Variants in DOP1B observed in about 807,000 individuals in gnomAD.
The protein encoded by DOP1B is protein DOP1B.
In DOP1B, 174 loss-of-function variants were observed where a neutral mutation model predicts 233.5. The observed-to-expected ratio is 0.75, with a 90% CI of 0.66 to 0.85. DOP1B has a LOEUF of 0.85. DOP1B is among the 40% of genes least tolerant of loss of function. DOP1B has a pLI of 0.00. For missense variants in DOP1B, 2,652 were observed against 2,846.6 expected, an observed-to-expected ratio of 0.93 and a Z score of 1.56; for synonymous variants, 1,190 against 1,185.6, an observed-to-expected ratio of 1.00 and a Z score of -0.08.
chr21:36,184,290 C>G (rs972552139), intron 2 of DOP1B, among the ~76,000 whole-genome samples: 1 of 152,058 alleles, frequency 6.6e-6, no homozygotes, highest in Admixed American at 6.6e-5. Context: ...CTCAGGTGAT[C>G]CACCTGCCTT....
intron 18 of DOP1B, among the ~76,000 whole-genome samples, chr21:36,244,019 C>CTTT (rs35020490): frequency 0.031 from 2,203 of 70,708 alleles, 115 homozygotes; most frequent in Non-Finnish European, 0.038. Context: ...TTTTCCTTTC[C>CTTT]TTTTTTTTTT....
intron 13 of DOP1B, 136 bp downstream of exon 13, chr21:36,228,013 T>C: frequency 1.1e-6 from 1 of 908,642 alleles, no homozygotes; most frequent in South Asian, 2.3e-5. Context: ...CAAATATGCT[T>C]GTAAAACCCT....
rs1202571081 is a variant in DOP1B, at chr21:36,211,608, ATCTGGAAATCGT to A, written c.742_753del (p.Glu248_Leu251del). ...TCAAATGTTCTTGTGCAAAGAAATA[ATCTGGAAATCGT>A]TCTGTTTTTCTTCCCATTTTATACC... On this transcript the variant is annotated inframe_deletion, in exon 6 of 37. Transcript: ENST00000691173. The A allele has an allele frequency of 1.2e-6, 2 of 1,614,084 alleles. No homozygotes were observed. The highest frequency in any genetic ancestry group is 1.7e-5 in the Admixed American group (1 of 59,998).
At chr21:36,167,940 C>CTTTTTTTTTTTTTTTTTTTTTTT (rs869190433) in intron 2 of DOP1B, among the ~76,000 whole-genome samples, 1 of 40,064 alleles carries the variant, frequency 2.5e-5, no homozygotes, top group African/African-American at 7.2e-5. Context: ...TTTTCTTTTT[C>CTTTTTTTTTTTTTTTTTTTTTTT]TTTTTTTTTT....
intron 9 of DOP1B, 36 bp downstream of exon 9, chr21:36,214,592 A>G: frequency 6.4e-7 from 1 of 1,552,148 alleles, no homozygotes; most frequent in African/African-American, 1.4e-5. Flanking sequence ...CCTATGCTGA[A>G]TACAGATTAC....
rs776182387 is a variant in DOP1B at position 36,245,035 on chromosome 21, TTG to T, written c.3068-11_3068-10del. The T allele has an allele frequency of 9.5e-6, 15 of 1,582,012 alleles. No homozygotes were observed. The South Asian group carries it at 1.7e-4, about 18-fold the overall frequency. Reference sequence around the variant, plus strand: ...CTTCTGTCTAAAGTCATTTGTCATCTTGTAATTTTCAGATGACTTGCACCGTT... The same window carrying T: ...CTTCTGTCTAAAGTCATTTGTCATCTTAATTTTCAGATGACTTGCACCGTT... On this transcript the variant is annotated splice_polypyrimidine_tract_variant and intron_variant, in intron 18 of 36. Coordinates refer to ENST00000691173, the MANE Select transcript of DOP1B (RefSeq NM_001320714.2). This position sits in a 1 kb window ranked among gnomAD's most constrained non-coding sequence, Gnocchi z 5.5.
At chr21:36,265,684 G>GACC (rs902257727) in intron 26 of DOP1B, among the ~76,000 whole-genome samples, 1 of 152,082 alleles carries the variant, frequency 6.6e-6, no homozygotes, top group African/African-American at 2.4e-5. Context: ...TGGTTGCGGG[G>GACC]ACCAGGTGGC....
Position 36,199,201 on chromosome 21 carries a change from C to T in DOP1B, c.270C>T (p.Ile90=), listed in dbSNP as rs1569015468. 1.2e-6 allele frequency: 2 copies of T among 1,614,154 alleles called. No homozygotes were observed. Among genetic ancestry groups the T allele is most frequent in the Middle Eastern group, 1.6e-4 (1 of 6,062 alleles). ...AAGCTCTGGAAACCTACGAGATTAT[C>T]TTTAAAATCGTGGGGACCAAATGGC... ...HLKALETYEI[I]FKIVGTKWLA... The change falls in exon 3 of 37, where the codon ATC becomes ATT. Residue 90 remains isoleucine (I), a synonymous_variant. Transcript: ENST00000691173.
chr21:36,239,681 G>C (rs2066869946), intron 17 of DOP1B, 84 bp from the exon 18 acceptor site: 1 of 1,420,868 alleles, frequency 7.0e-7, no homozygotes, highest in Admixed American at 2.6e-5. Flanking sequence ...TGTGTTGGGT[G>C]ACGCCCTATG....
chr21:36,240,023 T>A, intron 18 of DOP1B, 68 bp downstream of exon 18: 1 of 1,482,014 alleles, frequency 6.7e-7, no homozygotes, highest in Non-Finnish European at 9.0e-7. Context: ...TCAGCAGTGA[T>A]AGCTGAGAGA....
chr21:36,199,210 CGTG>C lies in DOP1B; in HGVS notation c.281_283del (p.Val94del). The C allele has an allele frequency of 6.2e-7, 1 of 1,614,118 alleles. No homozygotes were observed. The highest frequency in any genetic ancestry group is 1.3e-5 in the African/African-American group (1 of 75,018). On this transcript the variant is annotated inframe_deletion, in exon 3 of 37. Coordinates refer to ENST00000691173, the MANE Select transcript of DOP1B (RefSeq NM_001320714.2). The stretch of plus-strand genomic sequence containing the variant: ...AAACCTACGAGATTATCTTTAAAAT[CGTG>C]GGGACCAAATGGCTGGCCAAGGACT...
Position 36,246,246 on chromosome 21 carries a change from T to G in DOP1B, c.4266T>G (p.Ser1422Arg). 1 of 1,613,174 alleles carries G rather than the reference T, an allele frequency of 6.2e-7. No individual in the cohort carries two copies. The highest frequency in any genetic ancestry group is 1.1e-5 in the South Asian group (1 of 91,044). The stretch of plus-strand genomic sequence containing the variant: ...CAGAGGACAGCCTCTTTGAGGAGAG[T>G]CTCATTAACTTGGGTCAGGACCAGA... ...ALPEDSLFEE[S>R]LINLGQDQIW... The change falls in exon 19 of 37, where the codon AGT becomes AGG. Residue 1422 changes from serine to arginine, a missense_variant. Coordinates refer to ENST00000691173, the MANE Select transcript of DOP1B (RefSeq NM_001320714.2). This position sits in a 1 kb window ranked among gnomAD's most constrained non-coding sequence, Gnocchi z 5.1.
Position 36,245,572 on chromosome 21 carries a change from G to A in DOP1B, c.3592G>A (p.Ala1198Thr). ...ASESFSSDEEADLELQALTTS... is the reference protein window; with the variant it reads ...ASESFSSDEETDLELQALTTS... ...TGAGTCGTTCTCCAGCGACGAGGAGGCGGACTTGGAGCTCCAGGCCCTCAC... is the reference window on the plus strand; with the variant it reads ...TGAGTCGTTCTCCAGCGACGAGGAGACGGACTTGGAGCTCCAGGCCCTCAC... The change falls in exon 19 of 37, where the codon GCG becomes ACG. Residue 1198 changes from alanine (A) to threonine (T), a missense_variant. By Grantham distance (58) the Ala-to-Thr change is moderately conservative. Coordinates refer to ENST00000691173, the MANE Select transcript of DOP1B (RefSeq NM_001320714.2). This position sits in a 1 kb window ranked among gnomAD's most constrained non-coding sequence, Gnocchi z 5.5. 1 of 1,613,496 alleles carries A rather than the reference G, an allele frequency of 6.2e-7. No homozygotes were observed. Among genetic ancestry groups the A allele is most frequent in the East Asian group, 2.2e-5 (1 of 44,880 alleles).
chr21:36,186,781 A>C (rs545591712), intron 2 of DOP1B, among the ~76,000 whole-genome samples: 2 of 152,274 alleles, frequency 1.3e-5, no homozygotes, highest in East Asian at 3.9e-4. Flanking sequence ...AAGGGGCTGA[A>C]TGGTGCTGAC....
intron 12 of DOP1B, among the ~76,000 whole-genome samples, chr21:36,226,927 A>T: frequency 6.6e-6 from 1 of 152,128 alleles, no homozygotes; most frequent in Middle Eastern, 3.4e-3. Flanking sequence ...GAAAATTAAT[A>T]TGGTATGGTG....
intron 36 of DOP1B, among the ~76,000 whole-genome samples, chr21:36,292,618 T>C (rs546984361): frequency 6.7e-6 from 1 of 149,482 alleles, no homozygotes; most frequent in East Asian, 1.9e-4. Flanking sequence ...TGGGTTTTTT[T>C]TTTTTTTTTT....
At chr21:36,284,351 A>G (rs1436218669) in intron 32 of DOP1B, among the ~76,000 whole-genome samples, 4 of 142,684 alleles carry the variant, frequency 2.8e-5, no homozygotes, top group Admixed American at 7.6e-5. Context: ...GCTCACTGCA[A>G]TCTCTGCCTC....
rs1221178294 is a variant in DOP1B at position 36,284,301 on chromosome 21, C to T, written c.6160+2690C>T. On this transcript the variant is annotated intron_variant, in intron 32 of 36. Coordinates refer to ENST00000691173, the MANE Select transcript of DOP1B (RefSeq NM_001320714.2). ...TTTTTTTTTTTTTGAGACGGAGTCTCGCTCTGTCGCCCAGGCTGGAGTGCA... is the reference window on the plus strand; with the variant it reads ...TTTTTTTTTTTTTGAGACGGAGTCTTGCTCTGTCGCCCAGGCTGGAGTGCA... 8.1e-4 allele frequency among the ~76,000 whole-genome samples: 81 copies of T among 100,118 alleles called. 1 individual carries two copies. Among genetic ancestry groups the T allele is most frequent in the Non-Finnish European group, 1.1e-3 (57 of 52,106 alleles). The allele number at this position is 100,118 out of a possible 152,430, so 65.7% of individuals were successfully genotyped here.
At chr21:36,162,453 C>G (rs1336540185) in intron 1 of DOP1B, among the ~76,000 whole-genome samples, 1 of 152,136 alleles carries the variant, frequency 6.6e-6, no homozygotes, top group African/African-American at 2.4e-5. Context: ...CTTTGGCCTC[C>G]CAGGATTTCA....
Sources: gnomAD v4.1 joint callset for allele counts (sites outside exome capture counted in the v4.1 genomes callset) on GRCh38, gnomAD v4.1.1 for gene constraint, Gnocchi (gnomAD v3.1) non-coding constraint, MANE v1.5 for transcripts, NCBI Gene and HGNC (gene_info 2026-07-23, HGNC 2026-07-21) for gene names.